Variants in BIRC6 observed in about 807,000 individuals in gnomAD.
BIRC6 encodes the protein dual E2 ubiquitin-conjugating enzyme/E3 ubiquitin-protein ligase BIRC6.
In BIRC6, 98 loss-of-function variants were observed where a neutral mutation model predicts 503.3. That is an observed-to-expected ratio of 0.19 (90% confidence interval 0.17 to 0.23). The LOEUF (loss-of-function observed/expected upper bound fraction) is 0.23. Ranked by LOEUF, BIRC6 falls within the 10% of genes least tolerant of loss-of-function variation. BIRC6 has a pLI of 1.00. For synonymous variants in BIRC6, 2,240 were observed against 2,078.7 expected, an observed-to-expected ratio of 1.08 and a Z score of -2.11; for missense variants, 5,360 against 5,806.0, an observed-to-expected ratio of 0.92 and a Z score of 2.50.
At chr2:32,530,335 C>T (rs990946097) in intron 60 of BIRC6, among the ~76,000 whole-genome samples, 8 of 152,168 alleles carry the variant, frequency 5.3e-5, no homozygotes, top group East Asian at 3.9e-4. Flanking sequence ...CTCAGCCTCC[C>T]GAGAAGCTGG....
intron 66 of BIRC6, among the ~76,000 whole-genome samples, chr2:32,577,357 T>C (rs1385763017): frequency 2.0e-5 from 3 of 152,152 alleles, no homozygotes; most frequent in African/African-American, 4.8e-5. Flanking sequence ...AAATTGAAAA[T>C]TTATAAAACC....
intron 65 of BIRC6, among the ~76,000 whole-genome samples, chr2:32,569,996 T>A (rs1030047545): frequency 6.6e-6 from 1 of 152,176 alleles, no homozygotes; most frequent in Non-Finnish European, 1.5e-5. Flanking sequence ...ACTCTTGACT[T>A]GTTCCAGTTC....
chr2:32,502,089 G>T (rs2053260053), intron 47 of BIRC6, among the ~76,000 whole-genome samples: 1 of 152,136 alleles, frequency 6.6e-6, no homozygotes, highest in African/African-American at 2.4e-5. Context: ...TGACCACAGT[G>T]ATATAAGAGT....
At position 32,551,542 on chromosome 2, in the gene BIRC6, A is replaced by G. The variant is rs114824204; in HGVS notation, c.13144+2061A>G. Among the ~76,000 whole-genome samples, 1,309 of 152,292 alleles carry G rather than the reference A, an allele frequency of 8.6e-3. 10 individuals are homozygous for G. Among genetic ancestry groups the G allele is most frequent in the Middle Eastern group, 0.02 (6 of 294 alleles). ...TGTGATCTGCCCACCTTGGCCTCCA[A>G]AAGTGCTGGAATTAGAGACCTGAGC... On this transcript the variant is annotated intron_variant, in intron 65 of 73. Coordinates refer to ENST00000421745, the MANE Select transcript of BIRC6 (RefSeq NM_016252.4).
intron 55 of BIRC6, among the ~76,000 whole-genome samples, chr2:32,516,804 G>A (rs2055097677): frequency 6.6e-6 from 1 of 151,896 alleles, no homozygotes. Flanking sequence ...GGGCATATTG[G>A]TTAATCTTAT....
At chr2:32,588,756 C>G (rs1026007800) in intron 66 of BIRC6, among the ~76,000 whole-genome samples, 1 of 152,160 alleles carries the variant, frequency 6.6e-6, no homozygotes, top group Non-Finnish European at 1.5e-5. Context: ...AAAGGGATTT[C>G]TGGCGTGGAT....
intron 6 of BIRC6, among the ~76,000 whole-genome samples, chr2:32,399,415 T>G (rs768823713): frequency 1.3e-5 from 2 of 152,208 alleles, no homozygotes; most frequent in Non-Finnish European, 2.9e-5. Flanking sequence ...GGGGTCTTGC[T>G]ATATTGTCCA....
chr2:32,374,732 A>G (rs566380461), intron 1 of BIRC6, among the ~76,000 whole-genome samples: 3 of 152,036 alleles, frequency 2.0e-5, no homozygotes, highest in East Asian at 3.9e-4. Flanking sequence ...TCGGCCTCCC[A>G]AAGTGCTGGG....
chr2:32,487,559 CA>C (rs2051143471), intron 40 of BIRC6, 87 bp from the exon 41 acceptor site: 1 of 1,196,094 alleles, frequency 8.4e-7, no homozygotes, highest in African/African-American at 1.5e-5. Context: ...TTTTTAAAAA[CA>C]ATTTAACCTA....
chr2:32,574,807 G>A (rs2060153187), intron 65 of BIRC6: 1 of 313,726 alleles, frequency 3.2e-6, no homozygotes, highest in Non-Finnish European at 6.1e-6. Flanking sequence ...GGAGTGCAAT[G>A]GCATGATCTT....
chr2:32,577,725 A>G (rs567191045), intron 66 of BIRC6, among the ~76,000 whole-genome samples: 1 of 152,322 alleles, frequency 6.6e-6, no homozygotes, highest in African/African-American at 2.4e-5. Flanking sequence ...TGAGAAAGGA[A>G]TCTTCTTTAT....
chr2:32,611,423 G>A, intron 72 of BIRC6, 25 bp from the exon 73 acceptor site: 9 of 1,583,026 alleles, frequency 5.7e-6, no homozygotes, highest in Non-Finnish European at 7.7e-6. Flanking sequence ...AACACTGCTT[G>A]TTCTCCTGTT....
chr2:32,513,854 T>G (rs2054707029), intron 54 of BIRC6, among the ~76,000 whole-genome samples: 1 of 151,336 alleles, frequency 6.6e-6, no homozygotes, highest in Non-Finnish European at 1.5e-5. Context: ...GGTTGCAGTG[T>G]GCTAAGATTG....
rs534923804 is a variant in BIRC6 at position 32,617,732 on chromosome 2, C to G, written c.14402C>G (p.Thr4801Ser). 6.2e-7 allele frequency: 1 copy of G among 1,613,758 alleles called. No homozygotes were observed. Among genetic ancestry groups the G allele is most frequent in the East Asian group, 2.2e-5 (1 of 44,874 alleles). ...SHHAAALKRH[T>S]AQLREELLKL... Reference sequence around the variant, plus strand: ...TCCTTTTCTCCTGCATAGCGTCACACTGCTCAGCTCCGCGAAGAGTTGCTG... The same window carrying G: ...TCCTTTTCTCCTGCATAGCGTCACAGTGCTCAGCTCCGCGAAGAGTTGCTG... The change falls in exon 74 of 74, where the codon ACT (threonine) becomes AGT (serine). Residue 4801 changes from threonine (T) to serine (S), a missense_variant. Thr to Ser is a moderately conservative substitution (Grantham distance 58). Transcript: ENST00000421745.
intron 23 of BIRC6, among the ~76,000 whole-genome samples, chr2:32,454,260 C>T (rs369724441): frequency 1.3e-5 from 2 of 152,040 alleles, no homozygotes; most frequent in Admixed American, 6.6e-5. Context: ...AAATAGACTA[C>T]GTGTTTCTAC....
intron 66 of BIRC6, among the ~76,000 whole-genome samples, chr2:32,582,591 C>T (rs912489454): frequency 4.6e-5 from 7 of 152,096 alleles, no homozygotes; most frequent in African/African-American, 9.7e-5. Flanking sequence ...TGGCGAAACC[C>T]GTCTCTGTTA....
intron 3 of BIRC6, among the ~76,000 whole-genome samples, chr2:32,387,956 T>A (rs961016121): frequency 6.6e-6 from 1 of 152,192 alleles, no homozygotes; most frequent in Admixed American, 6.5e-5. Flanking sequence ...ATTTATGAGG[T>A]ATAATGTGAT....
At chr2:32,431,346 T>C (rs1394425968) in intron 12 of BIRC6, among the ~76,000 whole-genome samples, 4 of 151,472 alleles carry the variant, frequency 2.6e-5, no homozygotes, top group Non-Finnish European at 5.9e-5. Context: ...CAGGTGCGCA[T>C]CACCACGTCC....
chr2:32,469,135 G>C (rs1177416801), intron 29 of BIRC6, among the ~76,000 whole-genome samples: 3 of 152,026 alleles, frequency 2.0e-5, no homozygotes, highest in Non-Finnish European at 4.4e-5. Flanking sequence ...ATCATTACAC[G>C]AGCTCACACA....
Sources: allele counts gnomAD v4.1 joint callset (sites outside exome capture counted in the v4.1 genomes callset), GRCh38; gene constraint gnomAD v4.1.1; transcripts MANE v1.5; gene names NCBI Gene and HGNC (gene_info 2026-07-23, HGNC 2026-07-21).